The following NXN variants were observed in gnomAD, a reference collection of about 807,000 sequenced individuals.
The protein encoded by NXN is nucleoredoxin 1.
A neutral mutation model predicts 48.6 loss-of-function variants in NXN; 16 were observed. The observed-to-expected ratio is 0.33, with a 90% CI of 0.22 to 0.50. The LOEUF is 0.50. Ranked by LOEUF, NXN falls within the 20% of genes least tolerant of loss-of-function variation. NXN has a pLI of 0.98. For synonymous variants in NXN, 281 were observed against 269.6 expected, an observed-to-expected ratio of 1.04 and a Z score of -0.41; for missense variants, 492 against 605.5, an observed-to-expected ratio of 0.81 and a Z score of 1.97.
At chr17:957,305 G>C (rs1047013932) in intron 1 of NXN, among the ~76,000 whole-genome samples, 2 of 151,046 alleles carry the variant, frequency 1.3e-5, no homozygotes, top group Non-Finnish European at 2.9e-5. Context: ...GGAACCCCCC[G>C]GGATCTTCTC....
At chr17:928,697 G>C (rs541238660) in intron 1 of NXN, among the ~76,000 whole-genome samples, 1 of 152,230 alleles carries the variant, frequency 6.6e-6, no homozygotes, top group Non-Finnish European at 1.5e-5. Context: ...TTAGCCGGGC[G>C]TGGTGGTGGG....
intron 5 of NXN, among the ~76,000 whole-genome samples, chr17:817,593 C>T (rs369518643): frequency 6.0e-5 from 9 of 150,904 alleles, no homozygotes; most frequent in African/African-American, 1.7e-4. Flanking sequence ...GGCGTGAACC[C>T]GGGAGGCGGA....
chr17:833,377 C>T (rs564290404), intron 1 of NXN, among the ~76,000 whole-genome samples: 2 of 152,194 alleles, frequency 1.3e-5, no homozygotes, highest in South Asian at 4.2e-4. Flanking sequence ...AGAAGGCGAC[C>T]CTTCTGTCAG....
At chr17:866,533 T>C (rs192788419) in intron 1 of NXN, among the ~76,000 whole-genome samples, 102 of 152,248 alleles carry the variant, frequency 6.7e-4, no homozygotes, top group Non-Finnish European at 3.7e-4. Context: ...GATCGCGTCA[T>C]TGCCCTCCAG....
chr17:954,950 C>G (rs1227463106), intron 1 of NXN, among the ~76,000 whole-genome samples: 4 of 152,136 alleles, frequency 2.6e-5, no homozygotes, highest in Non-Finnish European at 5.9e-5. Context: ...TTTTTTCAGC[C>G]CTGGGTTACA....
chr17:810,203 G>C (rs77793226), intron 5 of NXN, among the ~76,000 whole-genome samples: 9 of 133,860 alleles, frequency 6.7e-5, no homozygotes, highest in East Asian at 2.3e-4. Flanking sequence ...GAGTCTGTGA[G>C]TGGCGTGCAC....
At chr17:921,919 C>G (rs1350611576) in intron 1 of NXN, among the ~76,000 whole-genome samples, 1 of 152,238 alleles carries the variant, frequency 6.6e-6, no homozygotes, top group Non-Finnish European at 1.5e-5. Flanking sequence ...AAGGGAACCT[C>G]AAACTCAACA....
chr17:979,251 C>CGTGGGGGGCGGGCAGGGGTAACGGGG, intron 1 of NXN, 68 bp downstream of exon 1: 4 of 764,748 alleles, frequency 5.2e-6, no homozygotes, highest in Non-Finnish European at 4.6e-6. Context: ...GGGTAACGGG[C>CGTGGGGGGCGGGCAGGGGTAACGGGG]GTGGGGGGCG....
chr17:916,681 G>A (rs556921558), intron 1 of NXN, among the ~76,000 whole-genome samples: 12 of 152,260 alleles, frequency 7.9e-5, no homozygotes, highest in South Asian at 4.1e-4. Flanking sequence ...GCTCACGCCC[G>A]TAATCCCAGC....
intron 5 of NXN, among the ~76,000 whole-genome samples, chr17:818,746 CGT>C: frequency 6.6e-6 from 1 of 151,654 alleles, no homozygotes; most frequent in Non-Finnish European, 1.5e-5. Flanking sequence ...TTTAGCCGGG[CGT>C]GTGGTGGGCG....
At chr17:872,526 G>C (rs1163475984) in intron 1 of NXN, among the ~76,000 whole-genome samples, 3 of 151,252 alleles carry the variant, frequency 2.0e-5, no homozygotes, top group African/African-American at 7.3e-5. Flanking sequence ...TTAATCTTCA[G>C]TGCCAACATG....
intron 1 of NXN, among the ~76,000 whole-genome samples, chr17:960,079 G>A (rs2069219369): frequency 1.3e-5 from 2 of 152,098 alleles, no homozygotes; most frequent in South Asian, 2.1e-4. Context: ...GAGACAGAGC[G>A]AGACTCCATC....
At chr17:939,746 C>G (rs1189775667) in intron 1 of NXN, among the ~76,000 whole-genome samples, 1 of 152,210 alleles carries the variant, frequency 6.6e-6, no homozygotes, top group Non-Finnish European at 1.5e-5. Context: ...TAGGAAAAGA[C>G]AAGGCTGCCT....
chr17:979,234 A>AGGGCAGGGGGAACGGGCGTGGGGGGC (rs2069504001), intron 1 of NXN, 85 bp downstream of exon 1: 2 of 457,910 alleles, frequency 4.4e-6, no homozygotes, highest in African/African-American at 7.5e-5. Context: ...GGGTTGGCGG[A>AGGGCAGGGGGAACGGGCGTGGGGGGC]GGGCAGGGGT....
chr17:888,610 A>G (rs2068374158), intron 1 of NXN, among the ~76,000 whole-genome samples: 1 of 151,956 alleles, frequency 6.6e-6, no homozygotes, highest in Admixed American at 6.6e-5. Context: ...AATAAAAAAT[A>G]AATACAGCTG....
chr17:892,271 C>T (rs1203894273), intron 1 of NXN, among the ~76,000 whole-genome samples: 1 of 150,138 alleles, frequency 6.7e-6, no homozygotes, highest in East Asian at 2.0e-4. Context: ...CAACAGGGAA[C>T]TAAGCTAACC....
chr17:837,629 G>A (rs1315050518), intron 1 of NXN, among the ~76,000 whole-genome samples: 1 of 152,174 alleles, frequency 6.6e-6, no homozygotes, highest in Non-Finnish European at 1.5e-5. Context: ...TCCTGAAATG[G>A]CAGAAGAAAT....
chr17:948,708 C>A (rs7211432), intron 1 of NXN, among the ~76,000 whole-genome samples: 1 of 151,834 alleles, frequency 6.6e-6, no homozygotes, highest in Admixed American at 6.6e-5. Context: ...GGCCTCACCC[C>A]GGCCCGTCCC....
At chr17:927,449 A>C (rs994611323) in intron 1 of NXN, among the ~76,000 whole-genome samples, 2 of 151,408 alleles carry the variant, frequency 1.3e-5, no homozygotes, top group Admixed American at 1.3e-4. Context: ...TCTCCACAGA[A>C]AATAAAATAA....
Sources: gnomAD v4.1 joint callset for allele counts (sites outside exome capture counted in the v4.1 genomes callset) on GRCh38, gnomAD v4.1.1 for gene constraint, MANE v1.5 for transcripts, NCBI Gene and HGNC (gene_info 2026-07-23, HGNC 2026-07-21) for gene names.